NAALADL2: variants seen among roughly 807,000 people sequenced by gnomAD.
The protein encoded by NAALADL2 is N-acetylated alpha-linked acidic dipeptidase like 2, also known as inactive N-acetylated-alpha-linked acidic dipeptidase-like protein 2.
NAALADL2 carries 76 observed loss-of-function variants against 87.2 expected under a neutral mutation model. That is an observed-to-expected ratio of 0.87 (90% CI 0.72 to 1.05). The LOEUF (loss-of-function observed/expected upper bound fraction) is 1.05, where lower values mean the gene tolerates loss of function less well. Among genes scored for constraint, NAALADL2 ranks in the 50% least tolerant of loss-of-function variants. The probability of loss-of-function intolerance (pLI) is 0.00; values close to 1 mark genes in which losing one functional copy is unlikely to be tolerated. For missense variants in NAALADL2, 1,089 were observed against 945.8 expected, an observed-to-expected ratio of 1.15 and a Z score of -1.99; for synonymous variants, 354 against 331.0, an observed-to-expected ratio of 1.07 and a Z score of -0.75.
intron 2 of NAALADL2, among the ~76,000 whole-genome samples, chr3:174,719,255 TG>T (rs1450722253): frequency 6.6e-6 from 1 of 152,220 alleles, no homozygotes; most frequent in African/African-American, 2.4e-5. Context: ...ACAGTTGACA[TG>T]CATCAACTTT....
chr3:175,368,230 T>C (rs554579107), intron 5 of NAALADL2, among the ~76,000 whole-genome samples: 1 of 152,224 alleles, frequency 6.6e-6, no homozygotes, highest in East Asian at 1.9e-4. Flanking sequence ...TGGATAAGCT[T>C]TTTGATGTGC....
intron 9 of NAALADL2, among the ~76,000 whole-genome samples, chr3:175,517,768 T>A (rs535746651): frequency 1.3e-5 from 2 of 152,000 alleles, no homozygotes; most frequent in East Asian, 3.9e-4. Context: ...GGAAAACGGC[T>A]CTCTCTCTTG....
At chr3:175,086,884 C>T (rs902578888) in intron 1 of NAALADL2, among the ~76,000 whole-genome samples, 3 of 152,062 alleles carry the variant, frequency 2.0e-5, no homozygotes, top group African/African-American at 7.2e-5. Context: ...TTCTTTTTAA[C>T]TAAACATCTA....
At chr3:175,029,823 G>A (rs1752624128) in intron 1 of NAALADL2, among the ~76,000 whole-genome samples, 1 of 152,014 alleles carries the variant, frequency 6.6e-6, no homozygotes. Context: ...AAGAGGTAAT[G>A]GCTCAAAGGA....
chr3:175,438,835 TTATTTATG>T (rs138495785), intron 5 of NAALADL2, among the ~76,000 whole-genome samples: 4,813 of 152,092 alleles, frequency 0.032, 244 homozygotes, highest in African/African-American at 0.11. Context: ...GATTATTCAT[TTATTTATG>T]TATTTATGTA....
At chr3:175,258,625 G>A (rs1021312035) in intron 4 of NAALADL2, among the ~76,000 whole-genome samples, 8 of 152,108 alleles carry the variant, frequency 5.3e-5, no homozygotes, top group Admixed American at 5.2e-4. Context: ...GAAAAGGTTT[G>A]GAGATTGTGG....
chr3:175,056,127 G>A (rs113940650), intron 1 of NAALADL2, among the ~76,000 whole-genome samples: 30,492 of 151,870 alleles, frequency 0.2, 3,770 homozygotes, highest in African/African-American at 0.34. Context: ...AGTGTCCTCC[G>A]GAAAAGAAAG....
chr3:174,468,848 C>T (rs1022762872), intron 1 of NAALADL2, among the ~76,000 whole-genome samples: 2 of 150,812 alleles, frequency 1.3e-5, no homozygotes, highest in African/African-American at 4.9e-5. Flanking sequence ...CTGCAGTCTC[C>T]GCCTCCCGGG....
chr3:174,825,531 A>C (rs1192423211), intron 3 of NAALADL2, among the ~76,000 whole-genome samples: 1 of 152,210 alleles, frequency 6.6e-6, no homozygotes, highest in Non-Finnish European at 1.5e-5. Context: ...GTACTGATAC[A>C]AATGCCAGTC....
chr3:175,314,702 A>AGTTCTAAC (rs1560342196), intron 4 of NAALADL2, among the ~76,000 whole-genome samples: 6 of 93,858 alleles, frequency 6.4e-5, no homozygotes, highest in African/African-American at 1.3e-4. Context: ...ATATATATAT[A>AGTTCTAAC]TATATATATA....
intron 1 of NAALADL2, among the ~76,000 whole-genome samples, chr3:175,072,069 C>T (rs1463222507): frequency 6.6e-6 from 1 of 152,006 alleles, no homozygotes; most frequent in Non-Finnish European, 1.5e-5. Context: ...AATATGGTCA[C>T]AGTGTAAAAC....
intron 3 of NAALADL2, among the ~76,000 whole-genome samples, chr3:175,247,852 C>A (rs540638493): frequency 6.0e-4 from 91 of 152,248 alleles, no homozygotes; most frequent in Non-Finnish European, 9.4e-4. Flanking sequence ...GCATAACAGG[C>A]CATGCAAGAA....
chr3:174,516,838 CAA>C (rs1719966367), intron 1 of NAALADL2, among the ~76,000 whole-genome samples: 1 of 151,670 alleles, frequency 6.6e-6, no homozygotes, highest in East Asian at 1.9e-4. Context: ...AAAAATCACA[CAA>C]GTCATTTCTG....
rs917796751 is a variant in NAALADL2, at chr3:175,690,027, A to C, written c.1897-47279A>C. On this transcript the variant is annotated intron_variant, in intron 11 of 13. Coordinates refer to ENST00000454872, the MANE Select transcript of NAALADL2 (RefSeq NM_207015.3). ...CTTTCATAATACTTCCTGCACTGAA[A>C]ATTATGCTTAGGAAGACAATTAGTA... is the stretch of plus-strand genomic sequence containing the variant. 1.1e-4 allele frequency among the ~76,000 whole-genome samples: 17 copies of C among 152,246 alleles called. 1 individual carries two copies. In the South Asian group the frequency reaches 1.2e-3, roughly 11 times the overall value.
chr3:175,598,878 A>G (rs537230711), intron 10 of NAALADL2, among the ~76,000 whole-genome samples: 146 of 152,208 alleles, frequency 9.6e-4, no homozygotes, highest in Non-Finnish European at 1.0e-4. Flanking sequence ...ATTCCCCTGG[A>G]CACTCGTTTA....
At chr3:174,915,119 A>G (rs544283509) in intron 1 of NAALADL2, among the ~76,000 whole-genome samples, 2 of 152,322 alleles carry the variant, frequency 1.3e-5, no homozygotes, top group African/African-American at 2.4e-5. Context: ...CAACAGAAAG[A>G]TTTTTAAACA....
At chr3:175,275,585 A>G (rs1753475353) in intron 4 of NAALADL2, among the ~76,000 whole-genome samples, 1 of 151,684 alleles carries the variant, frequency 6.6e-6, no homozygotes, top group African/African-American at 2.4e-5. Context: ...TCTCCTTGTA[A>G]CAAAATGACT....
chr3:174,559,624 A>G (rs1713331815), intron 2 of NAALADL2, among the ~76,000 whole-genome samples: 1 of 152,198 alleles, frequency 6.6e-6, no homozygotes, highest in Admixed American at 6.5e-5. Context: ...GGAGGCTAGA[A>G]GTCTGAAATT....
chr3:174,999,984 G>A (rs1224600152), intron 1 of NAALADL2, among the ~76,000 whole-genome samples: 2 of 151,874 alleles, frequency 1.3e-5, no homozygotes, highest in African/African-American at 2.4e-5. Context: ...AGTAATAATA[G>A]TAAATTAGCT....
Sources: allele counts gnomAD v4.1 joint callset (sites outside exome capture counted in the v4.1 genomes callset), GRCh38; gene constraint gnomAD v4.1.1; transcripts MANE v1.5; gene names NCBI Gene and HGNC (gene_info 2026-07-23, HGNC 2026-07-21).